The following CDKN2A variants were observed in gnomAD, a reference collection of about 807,000 sequenced individuals.
The protein encoded by CDKN2A is cyclin-dependent kinase inhibitor 2A.
A neutral mutation model predicts 11.1 loss-of-function variants in CDKN2A; 3 were observed. The observed-to-expected ratio is 0.27, with a 90% CI of 0.12 to 0.70. CDKN2A has a LOEUF of 0.70. Among genes scored for constraint, CDKN2A ranks in the 30% least tolerant of loss-of-function variants. The pLI is 0.77. For synonymous variants in CDKN2A, 122 were observed against 108.1 expected (o/e 1.13, Z -0.80); for missense variants, 265 against 233.6 (o/e 1.13, Z -0.88).
intron 1 of CDKN2A, among the ~76,000 whole-genome samples, chr9:21,973,312 A>G (rs1819867685): frequency 6.6e-6 from 1 of 152,250 alleles, no homozygotes; most frequent in Non-Finnish European, 1.5e-5. Flanking sequence ...ATATACTAAT[A>G]TGAATTTAGT....
intron 1 of CDKN2A, among the ~76,000 whole-genome samples, chr9:21,973,027 A>G (rs1332478356): frequency 6.6e-6 from 1 of 152,188 alleles, no homozygotes; most frequent in Non-Finnish European, 1.5e-5. Flanking sequence ...CAAAGAGACA[A>G]AGAGAAAGTA....
intron 2 of CDKN2A, chr9:21,992,163 T>A (rs771548431): frequency 4.9e-6 from 4 of 814,000 alleles, no homozygotes; most frequent in Non-Finnish European, 5.9e-6. Context: ...AACATCTTAT[T>A]TGCAATGATA....
At chr9:21,994,445 C>T in intron 1 of CDKN2A, 1 of 1,562,632 alleles carries the variant, frequency 6.4e-7, no homozygotes. Flanking sequence ...ACGCACCGCC[C>T]CCTGCCCATC....
intron 2 of CDKN2A, among the ~76,000 whole-genome samples, chr9:21,987,225 C>T (rs921844353): frequency 3.9e-5 from 6 of 151,998 alleles, no homozygotes; most frequent in African/African-American, 1.4e-4. Context: ...TCCATAAATG[C>T]TTTATTCTGT....
In CDKN2A at chr9:21,974,797, G is replaced by A; in HGVS notation, c.31C>T (p.Pro11Ser). 6.2e-7 allele frequency: 1 copy of A among 1,604,494 alleles called. No individual in the cohort carries two copies. The highest frequency in any genetic ancestry group is 8.5e-7 in the Non-Finnish European group (1 of 1,178,350). MEPAAGSSME[P>S]SADWLATAAA... ...GCCGTGGCCAGCCAGTCAGCCGAAG[G>A]CTCCATGCTGCTCCCCGCCGCCGGC... Residue 11 changes from proline (P) to serine (S), a missense_variant, in exon 1 of 3, where the codon CCT (proline) becomes TCT (serine). Transcript: ENST00000304494. This position sits in a 1 kb window ranked among gnomAD's most constrained non-coding sequence, Gnocchi z 5.2.
chr9:21,987,741 C>A (rs1820336515), intron 2 of CDKN2A, among the ~76,000 whole-genome samples: 1 of 152,136 alleles, frequency 6.6e-6, no homozygotes, highest in Admixed American at 6.5e-5. Flanking sequence ...TCCCTGGGAT[C>A]CAGTAAACTG....
At chr9:21,972,922 C>T (rs1447374718) in intron 1 of CDKN2A, among the ~76,000 whole-genome samples, 1 of 152,128 alleles carries the variant, frequency 6.6e-6, no homozygotes, top group Non-Finnish European at 1.5e-5. Flanking sequence ...TCATACTAAA[C>T]ACAAATTGCA....
upstream of CDKN2A, chr9:21,974,869 AGCC>A: frequency 6.7e-7 from 1 of 1,484,456 alleles, no homozygotes; most frequent in Non-Finnish European, 8.9e-7. This position sits in a 1 kb window ranked among gnomAD's most constrained non-coding sequence, Gnocchi z 5.2. Context: ...CCCTCTCCGC[AGCC>A]GCCGAGCGCA....
intron 2 of CDKN2A, among the ~76,000 whole-genome samples, chr9:21,980,892 G>GGTTACGGTT (rs1820157349): frequency 6.9e-6 from 1 of 145,292 alleles, no homozygotes; most frequent in African/African-American, 2.6e-5. Flanking sequence ...CCGGGGGGCG[G>GGTTACGGTT]AGCTTGCAGT....
At chr9:21,992,320 A>C in intron 2 of CDKN2A, 1 of 862,188 alleles carries the variant, frequency 1.2e-6, no homozygotes, top group Non-Finnish European at 1.4e-6. Context: ...ATTACATATC[A>C]TTATAATTAA....
In CDKN2A at chr9:21,968,789, C is replaced by A. The variant is rs2131082600; in HGVS notation, c.458-547G>T. On this transcript the variant is annotated intron_variant, in intron 2 of 2. Transcript: ENST00000304494. This position sits in a 1 kb window ranked among gnomAD's most constrained non-coding sequence, Gnocchi z 4.7. ...GATCATTTCTGAAACAAAATGGATG[C>A]TCATTTATTCATGTGCTCTGGCTTC... 6.5e-7 allele frequency: 1 copy of A among 1,535,960 alleles called. No homozygotes were observed. Among genetic ancestry groups the A allele is most frequent in the South Asian group, 1.2e-5 (1 of 84,058 alleles).
chr9:21,990,047 G>C (rs534095259), intron 2 of CDKN2A: 2 of 152,734 alleles, frequency 1.3e-5, no homozygotes, highest in Admixed American at 6.5e-5. Flanking sequence ...ATCTCTTGTC[G>C]CCGGGCGGGC....
rs1205282155 is a variant in CDKN2A, at chr9:21,974,448, A to T, written c.150+230T>A. On this transcript the variant is annotated intron_variant, in intron 1 of 2. Coordinates refer to ENST00000304494, the MANE Select transcript of CDKN2A (RefSeq NM_000077.5). This position sits in a 1 kb window ranked among gnomAD's most constrained non-coding sequence, Gnocchi z 5.2. ...GTTCCCCCCTTCAGATCTTCTCAGCATTCGAGAGATCTGTACGCGCGTGGC... is the reference window on the plus strand; with the variant it reads ...GTTCCCCCCTTCAGATCTTCTCAGCTTTCGAGAGATCTGTACGCGCGTGGC... The T allele has an allele frequency of 6.2e-7, 1 of 1,610,750 alleles. No individual in the cohort carries two copies. Among genetic ancestry groups the T allele is most frequent in the Non-Finnish European group, 8.5e-7 (1 of 1,178,818 alleles).
At chr9:21,986,821 A>T (rs1240251577) in intron 2 of CDKN2A, among the ~76,000 whole-genome samples, 1 of 152,100 alleles carries the variant, frequency 6.6e-6, no homozygotes, top group African/African-American at 2.4e-5. Flanking sequence ...TGTAAATTGC[A>T]TGGAGTAAAA....
intron 2 of CDKN2A, 196 bp downstream of exon 2, chr9:21,970,706 C>A: frequency 1.5e-6 from 1 of 680,174 alleles, no homozygotes. Context: ...TGCGCAAGTC[C>A]ATTTCGGGAT....
chr9:21,983,235 A>C (rs901034528), intron 2 of CDKN2A, among the ~76,000 whole-genome samples: 2 of 152,228 alleles, frequency 1.3e-5, no homozygotes, highest in African/African-American at 4.8e-5. Context: ...TTCCTGATTA[A>C]AGCTCACATA....
At position 21,970,947 on chromosome 9, in the gene CDKN2A, T is replaced by C. The variant is rs145012438; in HGVS notation, c.412A>G (p.Arg138Gly). The change falls in exon 2 of 3, where the codon AGA becomes GGA. Residue 138 changes from arginine to glycine, a missense_variant. Coordinates refer to ENST00000304494, the MANE Select transcript of CDKN2A (RefSeq NM_000077.5). ...TCTATGCGGGCATGGTTACTGCCTC[T>C]GGTGCCCCCCGCAGCCGCGCGCAGG... ...RYLRAAAGGT[R>G]GSNHARIDAA... 15 of 1,612,210 alleles carry C rather than the reference T, an allele frequency of 9.3e-6. No individual in the cohort carries two copies. The highest frequency in any genetic ancestry group is 1.3e-5 in the African/African-American group (1 of 74,936).
chr9:21,971,352 A>C, intron 1 of CDKN2A, 144 bp from the exon 2 acceptor site: 1 of 1,499,534 alleles, frequency 6.7e-7, no homozygotes. Context: ...TCCAGTTTCC[A>C]ATTTCCTTCT....
At chr9:21,975,209 G>C (rs978762741), upstream of CDKN2A, 18 of 1,064,236 alleles carry the variant, frequency 1.7e-5, no homozygotes, top group Non-Finnish European at 2.1e-5. Flanking sequence ...CGGCCTCCCT[G>C]CTCCCAGCCG....
Sources: gnomAD v4.1 joint callset for allele counts (sites outside exome capture counted in the v4.1 genomes callset) on GRCh38, gnomAD v4.1.1 for gene constraint, Gnocchi (gnomAD v3.1) non-coding constraint, MANE v1.5 for transcripts, NCBI Gene and HGNC (gene_info 2026-07-23, HGNC 2026-07-21) for gene names.